The following CTR9 variants were observed in gnomAD, a reference collection of about 807,000 sequenced individuals.
CTR9 encodes the protein CTR9 component of Paf1/RNA polymerase II complex.
CTR9 carries 41 observed loss-of-function variants against 152.1 expected under a neutral mutation model. That is an observed-to-expected ratio of 0.27 (90% CI 0.21 to 0.35). CTR9 has a LOEUF of 0.35. Ranked by LOEUF, CTR9 falls within the 10% of genes least tolerant of loss-of-function variation. The probability of loss-of-function intolerance (pLI) is 1.00; values close to 1 mark genes in which losing one functional copy is unlikely to be tolerated. For synonymous variants in CTR9, 476 were observed against 496.2 expected (o/e 0.96, Z 0.54); for missense variants, 917 against 1,424.4 (o/e 0.64, Z 5.73).
In CTR9 at chr11:10,776,654, C is replaced by T. The variant is rs76328054; in HGVS notation, c.3095+1021C>T. 7.8e-3 allele frequency among the ~76,000 whole-genome samples: 1,192 copies of T among 152,190 alleles called. 14 individuals carry two copies. Among genetic ancestry groups the T allele is most frequent in the African/African-American group, 0.028 (1,144 of 41,512 alleles). ...CTCCAAGGAATTTCTGCTTCAGAGG[C>T]AGTGGAAAAGAACAGATAAACCAAA... On this transcript the variant is annotated intron_variant, in intron 24 of 24. Transcript: ENST00000361367.
Position 10,751,268 on chromosome 11 carries a change from A to G in CTR9, c.-145A>G, listed in dbSNP as rs1862794534. The G allele has an allele frequency of 1.3e-6, 1 of 780,128 alleles. No homozygotes were observed. The highest frequency in any genetic ancestry group is 2.1e-6 in the Non-Finnish European group (1 of 478,350). The allele number at this position is 780,128 out of a possible 1,614,324, so 48.3% of individuals were successfully genotyped here. A position where few individuals can be genotyped will look rare whatever the true frequency, so the allele number is the denominator to read the frequency against. The stretch of plus-strand genomic sequence containing the variant: ...CTCGTTGTTTAAGCGGCTGACGGGA[A>G]GGAGAAGCCAGAGCTCCAGCGGCGC... On this transcript the variant is annotated 5_prime_UTR_variant, in exon 1 of 25. Coordinates refer to ENST00000361367, the MANE Select transcript of CTR9 (RefSeq NM_014633.5).
intron 12 of CTR9, 95 bp downstream of exon 12, chr11:10,764,826 A>C: frequency 8.3e-7 from 1 of 1,198,712 alleles, no homozygotes; most frequent in Non-Finnish European, 1.1e-6. Flanking sequence ...TTGATAGTAA[A>C]AATTGTTTAA....
At position 10,756,847 on chromosome 11, in the gene CTR9, A is replaced by C. The variant is rs1186627957; in HGVS notation, c.592+9A>C. 1.3e-6 allele frequency: 2 copies of C among 1,585,588 alleles called. No homozygotes were observed. The highest frequency in any genetic ancestry group is 2.7e-5 in the African/African-American group (2 of 74,342). On this transcript the variant is annotated intron_variant, in intron 5 of 24. Coordinates refer to ENST00000361367, the MANE Select transcript of CTR9 (RefSeq NM_014633.5). ...TAACCCAGGATGTCCAGGTAAGAGA[A>C]AAATTTTATTTTATGTCTAAACTGT...
At chr11:10,754,835 A>G (rs1862859986) in intron 2 of CTR9, 123 bp from the exon 3 acceptor site, 4 of 970,546 alleles carry the variant, frequency 4.1e-6, no homozygotes, top group African/African-American at 1.7e-5. Flanking sequence ...TTCACCTGTT[A>G]ATCAACATTT....
Position 10,774,296 on chromosome 11 carries a change from C to T in CTR9, c.2885+127C>T, listed in dbSNP as rs190292434. 2.3e-3 allele frequency: 2,692 copies of T among 1,162,648 alleles called. 10 individuals carry two copies. The highest frequency in any genetic ancestry group is 4.9e-3 in the Middle Eastern group (16 of 3,236). The allele number at this position is 1,162,648 out of a possible 1,614,324, so 72.0% of individuals were successfully genotyped here. On this transcript the variant is annotated intron_variant, in intron 22 of 24. Coordinates refer to ENST00000361367, the MANE Select transcript of CTR9 (RefSeq NM_014633.5). ...CAAACAGTGAAGCTTTTTGTGCCCC[C>T]ACTTCCTACTTTAATCCTAAGATAG...
At chr11:10,776,230 C>T (rs1863232582) in intron 24 of CTR9, among the ~76,000 whole-genome samples, 1 of 152,210 alleles carries the variant, frequency 6.6e-6, no homozygotes, top group Non-Finnish European at 1.5e-5. Context: ...GGATTACAGG[C>T]ATGTGCCACC....
intron 24 of CTR9, among the ~76,000 whole-genome samples, chr11:10,777,601 C>T (rs1444992115): frequency 6.6e-6 from 1 of 152,072 alleles, no homozygotes; most frequent in East Asian, 1.9e-4. Flanking sequence ...GCAGAAAGGT[C>T]CATTGTGAGA....
intron 6 of CTR9, among the ~76,000 whole-genome samples, chr11:10,761,039 C>A (rs1359760945): frequency 3.3e-5 from 5 of 152,216 alleles, no homozygotes; most frequent in African/African-American, 1.2e-4. Flanking sequence ...TTGTCCAAAA[C>A]AGGGATACCT....
In CTR9 at chr11:10,775,225, A is replaced by C. The variant is rs756767617; in HGVS notation, c.2904A>C (p.Glu968Asp). 6.2e-7 allele frequency: 1 copy of C among 1,613,906 alleles called. No individual in the cohort carries two copies. The highest frequency in any genetic ancestry group is 8.5e-7 in the Non-Finnish European group (1 of 1,179,908). ...ATTTAAGACATCCAAAGGGAGAAGA[A>C]GGATCTGATGATGATGAAACAGAAA... is the stretch of plus-strand genomic sequence containing the variant. ...KKRRRHPKGE[E>D]GSDDDETENG... The change falls in exon 23 of 25, where the codon GAA (glutamate) becomes GAC (aspartate). Residue 968 changes from glutamate to aspartate, a missense_variant. Glu to Asp is a conservative substitution (Grantham distance 45). Coordinates refer to ENST00000361367, the MANE Select transcript of CTR9 (RefSeq NM_014633.5).
chr11:10,773,886 A>C, intron 21 of CTR9, 126 bp from the exon 22 acceptor site: 3 of 371,342 alleles, frequency 8.1e-6, no homozygotes, highest in Non-Finnish European at 1.3e-5. Flanking sequence ...CTTCATCTCA[A>C]AAAAAAAAAA....
At position 10,768,435 on chromosome 11, in the gene CTR9, C is replaced by T. The variant is rs749298679; in HGVS notation, c.2053C>T (p.Leu685=). Residue 685 remains leucine (L), a synonymous_variant, in exon 16 of 25, where the codon CTG becomes TTG. Coordinates refer to ENST00000361367, the MANE Select transcript of CTR9 (RefSeq NM_014633.5). ...EATADISDVW[L]NLAHIYVEQK... is the part of the protein sequence containing the mutation. The stretch of plus-strand genomic sequence containing the variant: ...AACAGCAGATATTAGTGATGTGTGG[C>T]TGAACTTAGCACACATCTATGTGGA... The T allele has an allele frequency of 6.2e-7, 1 of 1,614,022 alleles. No homozygotes were observed. The highest frequency in any genetic ancestry group is 1.1e-5 in the South Asian group (1 of 91,048).
In CTR9 at chr11:10,763,623, T is replaced by C. The variant is rs1270958392; in HGVS notation, c.958-20T>C. The C allele has an allele frequency of 6.3e-7, 1 of 1,584,202 alleles. No individual in the cohort carries two copies. The highest frequency in any genetic ancestry group is 8.6e-7 in the Non-Finnish European group (1 of 1,168,252). On this transcript the variant is annotated intron_variant, in intron 8 of 24. Coordinates refer to ENST00000361367, the MANE Select transcript of CTR9 (RefSeq NM_014633.5). ...CAATACTTTTGTACATATTGGTCTT[T>C]TTTAATTTTCATTCTTTAGGAAGAT...
At position 10,773,183 on chromosome 11, in the gene CTR9, C is replaced by T. The variant is rs1325415571; in HGVS notation, c.2637C>T (p.Ala879=). 6.2e-7 allele frequency: 1 copy of T among 1,612,572 alleles called. No homozygotes were observed. The highest frequency in any genetic ancestry group is 1.1e-5 in the South Asian group (1 of 90,556). The change falls in exon 21 of 25, where the codon GCC becomes GCT. Residue 879 remains alanine (A), a synonymous_variant. Transcript: ENST00000361367. Reference sequence around the variant, plus strand: ...AAAAGAAACTTTTGGAACAGCGGGCCCAGTATGTGGAGAAGACCAAAAATA... The same window carrying T: ...AAAAGAAACTTTTGGAACAGCGGGCTCAGTATGTGGAGAAGACCAAAAATA... ...EEQKKLLEQR[A]QYVEKTKNIL...
intron 24 of CTR9, among the ~76,000 whole-genome samples, chr11:10,777,196 G>A (rs139819777): frequency 1.6e-3 from 244 of 152,082 alleles, no homozygotes; most frequent in African/African-American, 5.5e-3. Flanking sequence ...AAGGCTTCTG[G>A]TGGGGATTGG....
At chr11:10,769,235 AAAAAG>A (rs1175020298) in intron 16 of CTR9, among the ~76,000 whole-genome samples, 1 of 152,196 alleles carries the variant, frequency 6.6e-6, no homozygotes, top group African/African-American at 2.4e-5. Flanking sequence ...AAAAAAAAGA[AAAAAG>A]AAAACAAAAC....
chr11:10,755,627 C>A (rs1228833314), intron 3 of CTR9, 51 bp from the exon 4 acceptor site: 2 of 1,151,484 alleles, frequency 1.7e-6, no homozygotes, highest in Admixed American at 1.9e-5. Context: ...TTTAGTGTTA[C>A]ATGTTCATGG....
At chr11:10,772,383 T>C in intron 19 of CTR9, 137 bp from the exon 20 acceptor site, 1 of 754,102 alleles carries the variant, frequency 1.3e-6, no homozygotes, top group Non-Finnish European at 1.8e-6. Flanking sequence ...AAAAAAACAT[T>C]TTTTTAAAAA....
intron 5 of CTR9, among the ~76,000 whole-genome samples, chr11:10,758,344 ACAGG>A (rs1254457405): frequency 6.6e-6 from 1 of 152,140 alleles, no homozygotes; most frequent in Admixed American, 6.5e-5. Context: ...GCATCTGCAG[ACAGG>A]CAGGTCAGAG....
intron 6 of CTR9, among the ~76,000 whole-genome samples, chr11:10,761,570 A>G (rs1020075139): frequency 2.0e-5 from 3 of 152,094 alleles, no homozygotes; most frequent in African/African-American, 7.2e-5. Flanking sequence ...TGTTCATGCC[A>G]GTGTACTCCA....
Sources: allele counts gnomAD v4.1 joint callset (sites outside exome capture counted in the v4.1 genomes callset), GRCh38; gene constraint gnomAD v4.1.1; transcripts MANE v1.5; gene names NCBI Gene and HGNC (gene_info 2026-07-23, HGNC 2026-07-21).